Variants in EXTL3 observed in about 807,000 individuals in gnomAD.
The protein encoded by EXTL3 is exostosin-like 3.
A neutral mutation model predicts 69.3 loss-of-function variants in EXTL3; 27 were observed. The ratio of observed to expected loss-of-function variants is 0.39; its 90% CI spans 0.29 to 0.54. The LOEUF is 0.54. Ranked by LOEUF, EXTL3 falls within the 20% of genes least tolerant of loss-of-function variation. The pLI, the probability that EXTL3 is intolerant of heterozygous loss-of-function variation, is 0.69. For missense variants in EXTL3, 1,003 were observed against 1,231.8 expected, an observed-to-expected ratio of 0.81 and a Z score of 2.78; for synonymous variants, 511 against 499.4, an observed-to-expected ratio of 1.02 and a Z score of -0.31.
chr8:28,609,029 A>C (rs1388857189), intron 2 of EXTL3, among the ~76,000 whole-genome samples: 1 of 152,104 alleles, frequency 6.6e-6, no homozygotes, highest in African/African-American at 2.4e-5. Context: ...CATTAGGCTG[A>C]GTTCTGAAGG....
intron 1 of EXTL3, among the ~76,000 whole-genome samples, chr8:28,708,264 C>G (rs1207899709): frequency 1.3e-5 from 2 of 152,132 alleles, no homozygotes; most frequent in African/African-American, 4.8e-5. Context: ...TGAGGATGTT[C>G]TGTTTCCCTT....
intron 4 of EXTL3, among the ~76,000 whole-genome samples, chr8:28,735,804 C>T (rs891762298): frequency 6.6e-6 from 1 of 152,120 alleles, no homozygotes; most frequent in Admixed American, 6.5e-5. Flanking sequence ...TCATAAGGGA[C>T]AGAAAAGGTA....
At chr8:28,748,174 C>T (rs1375812279) in intron 6 of EXTL3, among the ~76,000 whole-genome samples, 1 of 152,042 alleles carries the variant, frequency 6.6e-6, no homozygotes, top group Non-Finnish European at 1.5e-5. Flanking sequence ...AGATCGAGAC[C>T]ATCCTGGCTA....
intron 2 of EXTL3, among the ~76,000 whole-genome samples, chr8:28,614,498 T>C (rs1020348835): frequency 4.6e-5 from 7 of 152,076 alleles, no homozygotes; most frequent in African/African-American, 1.7e-4. Context: ...GATCTCGAAC[T>C]CTTGGGCTCA....
intron 3 of EXTL3, among the ~76,000 whole-genome samples, chr8:28,721,229 ACT>A (rs1473574828): frequency 1.3e-5 from 2 of 152,038 alleles, no homozygotes; most frequent in African/African-American, 4.8e-5. Flanking sequence ...GTGAATGGCC[ACT>A]CTCATGTTGA....
chr8:28,689,510 C>A (rs1051462552), intron 1 of EXTL3, among the ~76,000 whole-genome samples: 9 of 152,268 alleles, frequency 5.9e-5, no homozygotes, highest in African/African-American at 2.2e-4. Context: ...TTCCATACTT[C>A]AAATGTCATT....
chr8:28,691,081 C>T (rs1800607755), intron 1 of EXTL3, among the ~76,000 whole-genome samples: 1 of 151,940 alleles, frequency 6.6e-6, no homozygotes, highest in South Asian at 2.1e-4. Flanking sequence ...TTTAATAGAC[C>T]AGTAAAATAA....
At chr8:28,644,047 A>G (rs1487315231) in intron 1 of EXTL3, among the ~76,000 whole-genome samples, 1 of 151,880 alleles carries the variant, frequency 6.6e-6, no homozygotes, top group Admixed American at 6.6e-5. Context: ...TATGGGCATG[A>G]GTCATTGTGC....
intron 1 of EXTL3, among the ~76,000 whole-genome samples, chr8:28,704,662 T>C (rs931523046): frequency 1.1e-4 from 17 of 152,184 alleles, no homozygotes; most frequent in African/African-American, 3.1e-4. Flanking sequence ...CTTTTCTTTT[T>C]CTTTTTTTTT....
intron 3 of EXTL3, among the ~76,000 whole-genome samples, chr8:28,725,848 C>T (rs1181130900): frequency 6.6e-6 from 1 of 152,042 alleles, no homozygotes; most frequent in African/African-American, 2.4e-5. Flanking sequence ...AGAACCTTTC[C>T]TAAATATGAC....
chr8:28,633,311 C>T (rs902243727), intron 1 of EXTL3, among the ~76,000 whole-genome samples: 3 of 151,982 alleles, frequency 2.0e-5, no homozygotes, highest in Non-Finnish European at 4.4e-5. Flanking sequence ...GCACTCCAGC[C>T]TAGGCATCAG....
chr8:28,702,752 G>T (rs1418699501), intron 1 of EXTL3, among the ~76,000 whole-genome samples: 1 of 152,128 alleles, frequency 6.6e-6, no homozygotes, highest in Non-Finnish European at 1.5e-5. Context: ...AGCATTTCTT[G>T]TCACTTTGTC....
chr8:28,661,892 AAATT>A (rs1807121889), intron 1 of EXTL3, among the ~76,000 whole-genome samples: 1 of 149,814 alleles, frequency 6.7e-6, no homozygotes. Context: ...CTCAAAAAAA[AAATT>A]AAAATAAAAG....
chr8:28,635,791 A>C (rs1806644949), intron 1 of EXTL3, among the ~76,000 whole-genome samples: 1 of 152,056 alleles, frequency 6.6e-6, no homozygotes, highest in Non-Finnish European at 1.5e-5. Context: ...GACTTCCAGC[A>C]CAAGGCTACA....
In EXTL3 at chr8:28,750,943, C is replaced by A; in HGVS notation, c.*77C>A. The stretch of plus-strand genomic sequence containing the variant: ...CCAAGGTTCCTAGGCATTGCAGGAC[C>A]TTGGGCACATCTGCTGGTGGGTGGC... On this transcript the variant is annotated 3_prime_UTR_variant, in exon 7 of 7. Transcript: ENST00000220562. This position sits in a 1 kb window ranked among gnomAD's most constrained non-coding sequence, Gnocchi z 5.2. 1 of 1,321,080 alleles carries A rather than the reference C, an allele frequency of 7.6e-7. No individual in the cohort carries two copies. The highest frequency in any genetic ancestry group is 1.1e-6 in the Non-Finnish European group (1 of 926,952). The allele number at this position is 1,321,080 out of a possible 1,614,324, so 81.8% of individuals were successfully genotyped here. A position where few individuals can be genotyped will look rare whatever the true frequency, so the allele number is the denominator to read the frequency against.
chr8:28,660,347 G>A (rs1807086269), intron 1 of EXTL3, among the ~76,000 whole-genome samples: 1 of 151,512 alleles, frequency 6.6e-6, no homozygotes, highest in South Asian at 2.1e-4. Flanking sequence ...CCGGGCGACA[G>A]AGCAGTGAGA....
intron 1 of EXTL3, among the ~76,000 whole-genome samples, chr8:28,702,884 C>T (rs1299927853): frequency 2.6e-5 from 4 of 152,056 alleles, no homozygotes; most frequent in Non-Finnish European, 2.9e-5. Flanking sequence ...GTATTTTGTT[C>T]GGCAGTGAGT....
At position 28,623,276 on chromosome 8, in the gene EXTL3, G is replaced by A. The variant is rs990831460; in HGVS notation, c.-53+466G>A. On this transcript the variant is annotated intron_variant, in intron 1 of 6. Transcript: ENST00000523149. The surrounding 1 kb of genome is among the most constrained non-coding windows in gnomAD (Gnocchi z 4.2). ...AGGCGCTGTCCCCGTGGGTAAGCCC[G>A]TGCCGTGGGTGCCCTCCAGTCCCTG... is the stretch of plus-strand genomic sequence containing the variant. 6.6e-6 allele frequency among the ~76,000 whole-genome samples: 1 copy of A among 152,154 alleles called. No individual in the cohort carries two copies. Among genetic ancestry groups the A allele is most frequent in the African/African-American group, 2.4e-5 (1 of 41,438 alleles).
chr8:28,614,752 C>G (rs1052321526), intron 2 of EXTL3, among the ~76,000 whole-genome samples: 1 of 152,150 alleles, frequency 6.6e-6, no homozygotes, highest in Non-Finnish European at 1.5e-5. Context: ...TCATTTAGTT[C>G]AAAATGTTTA....
Sources: gnomAD v4.1 joint callset for allele counts (sites outside exome capture counted in the v4.1 genomes callset) on GRCh38, gnomAD v4.1.1 for gene constraint, Gnocchi (gnomAD v3.1) non-coding constraint, MANE v1.5 for transcripts, NCBI Gene and HGNC (gene_info 2026-07-23, HGNC 2026-07-21) for gene names.